Variants in RTL1 observed in about 807,000 individuals in gnomAD.
RTL1 encodes the protein retrotransposon Gag like 1.
For missense variants in RTL1, 1,681 were observed against 1,767.5 expected (o/e 0.95, Z 0.88); for synonymous variants, 727 against 748.4 (o/e 0.97, Z 0.47).
rs779609319 is a variant in RTL1, at chr14:100,885,797, A to G, written c.-86-923T>C. On this transcript the variant is annotated intron_variant, in intron 3 of 3. Transcript: ENST00000649591. ...GCCTCAATTTCACCAGTGCAAGCAT[A>G]TCTGCACGCCTCTCCAATCTTATCC... Among the ~76,000 whole-genome samples the G allele has an allele frequency of 3.9e-5, 6 of 152,156 alleles. 1 individual carries two copies. Among genetic ancestry groups the G allele is most frequent in the Non-Finnish European group, 8.8e-5 (6 of 68,030 alleles).
intron 2 of RTL1, among the ~76,000 whole-genome samples, chr14:100,899,727 G>GA (rs2038916499): frequency 3.8e-5 from 4 of 104,058 alleles, no homozygotes; most frequent in African/African-American, 1.5e-4. Flanking sequence ...AAAAAAAAAG[G>GA]ACTCATAATC....
At position 100,880,671 on chromosome 14, in the gene RTL1, A is replaced by T; in HGVS notation, c.*41T>A. On this transcript the variant is annotated 3_prime_UTR_variant, in exon 4 of 4. Coordinates refer to ENST00000649591, the MANE Select transcript of RTL1 (RefSeq NM_001134888.3). ...GGGGACGTCGGGAGGTGTTGGGGTG[A>T]GAAATAGAGGGGACTCTTTGCTGGA... 1.3e-6 allele frequency: 2 copies of T among 1,549,040 alleles called. No individual in the cohort carries two copies. The highest frequency in any genetic ancestry group is 1.7e-6 in the Non-Finnish European group (2 of 1,146,404).
intron 2 of RTL1, among the ~76,000 whole-genome samples, chr14:100,901,114 T>A (rs138335660): frequency 2.6e-5 from 4 of 152,224 alleles, no homozygotes; most frequent in Non-Finnish European, 5.9e-5. Flanking sequence ...GCTGACAGAT[T>A]GGGTTGTCAG....
intron 3 of RTL1, among the ~76,000 whole-genome samples, chr14:100,892,452 G>A (rs1409915414): frequency 6.6e-6 from 1 of 152,186 alleles, no homozygotes; most frequent in African/African-American, 2.4e-5. Context: ...AAATGCTATG[G>A]ACAAGTCAGG....
rs1358949183 is a variant in RTL1 at position 100,883,523 on chromosome 14, G to A, written c.1266C>T (p.Ser422=). 9 of 1,551,500 alleles carry A rather than the reference G, an allele frequency of 5.8e-6. No individual in the cohort carries two copies. The highest frequency in any genetic ancestry group is 2.4e-5 in the South Asian group (2 of 84,062). ...LLMVRVNPYH[S]VAVQALVDSG... is the part of the protein sequence containing the mutation. ...AATCCACCAGGGCCTGGACCGCGAC[G>A]CTGTGGTAGGGGTTCACTCTCACCA... The change falls in exon 4 of 4, where the codon AGC becomes AGT. Residue 422 remains serine, a synonymous_variant. Transcript: ENST00000649591. This position sits in a 1 kb window ranked among gnomAD's most constrained non-coding sequence, Gnocchi z 5.9.
At chr14:100,888,863 A>T (rs1208391368) in intron 3 of RTL1, among the ~76,000 whole-genome samples, 1 of 152,306 alleles carries the variant, frequency 6.6e-6, no homozygotes, top group East Asian at 1.9e-4. Context: ...AACATTAATC[A>T]CACCTCCTAG....
rs769292712 is a variant in RTL1 at position 100,881,818 on chromosome 14, G to T, written c.2971C>A (p.Arg991=). ...AGGTTTCTCACAGGTGGCAGAGCTC[G>T]GCCGCCGTCTTGTTCTGGCAGCTCC... ...VMELPEQDGG[R]ALPPVRNLRW... The change falls in exon 4 of 4, where the codon CGA becomes AGA. Residue 991 remains arginine, a synonymous_variant. Transcript: ENST00000649591. This position sits in a 1 kb window ranked among gnomAD's most constrained non-coding sequence, Gnocchi z 6.6. 1.2e-6 allele frequency: 2 copies of T among 1,613,948 alleles called. No individual in the cohort carries two copies. Among genetic ancestry groups the T allele is most frequent in the East Asian group, 2.2e-5 (1 of 44,876 alleles).
At chr14:100,894,309 C>CAAAAAAAAAAAAAAAA (rs562868034) in intron 2 of RTL1, among the ~76,000 whole-genome samples, 2 of 72,446 alleles carry the variant, frequency 2.8e-5, no homozygotes, top group Non-Finnish European at 6.3e-5. Context: ...AACTCCGTCT[C>CAAAAAAAAAAAAAAAA]AAAAAAAAAA....
At chr14:100,902,910 G>A (rs1283268524) in intron 2 of RTL1, among the ~76,000 whole-genome samples, 1 of 152,136 alleles carries the variant, frequency 6.6e-6, no homozygotes, top group Non-Finnish European at 1.5e-5. Context: ...AGAGAAAACA[G>A]CCTGGCCTTT....
chr14:100,881,068 G>T lies in RTL1; in HGVS notation c.3721C>A (p.Gln1241Lys). Reference protein sequence around the residue: ...VLREALQDDLQRYRQCGLHDG... With the variant: ...VLREALQDDLKRYRQCGLHDG... ...TGCAGGCCACACTGACGGTAACGTT[G>T]CAGGTCGTCTTGCAGGGCTTCTCGC... Residue 1241 changes from glutamine to lysine, a missense_variant, in exon 4 of 4, where the codon CAA (glutamine) becomes AAA (lysine). Transcript: ENST00000649591. The surrounding 1 kb of genome is among the most constrained non-coding windows in gnomAD (Gnocchi z 6.6). 1 of 1,603,180 alleles carries T rather than the reference G, an allele frequency of 6.2e-7. No individual in the cohort carries two copies. The highest frequency in any genetic ancestry group is 8.5e-7 in the Non-Finnish European group (1 of 1,175,088).
chr14:100,888,919 C>A (rs971356023), intron 3 of RTL1, among the ~76,000 whole-genome samples: 32 of 152,206 alleles, frequency 2.1e-4, no homozygotes, highest in African/African-American at 7.5e-4. Context: ...GATAGAAATT[C>A]AAAATGTTTG....
chr14:100,890,066 C>T (rs1379205730), intron 3 of RTL1, among the ~76,000 whole-genome samples: 1 of 93,102 alleles, frequency 1.1e-5, no homozygotes, highest in East Asian at 2.5e-4. Context: ...AAAATTCCCG[C>T]CTTATTTGAA....
chr14:100,901,202 A>G (rs2038936980), intron 2 of RTL1, among the ~76,000 whole-genome samples: 1 of 152,212 alleles, frequency 6.6e-6, no homozygotes, highest in Non-Finnish European at 1.5e-5. Flanking sequence ...TTTCTGCTCC[A>G]TGGAGGTGCA....
intron 2 of RTL1, among the ~76,000 whole-genome samples, chr14:100,901,625 T>TGAGGGG (rs2038943154): frequency 1.3e-5 from 2 of 152,200 alleles, no homozygotes; most frequent in South Asian, 4.1e-4. Flanking sequence ...CCCCTCAACC[T>TGAGGGG]GCCAGACCTC....
rs748500409 is a variant in RTL1, at chr14:100,883,387, C to G, written c.1402G>C (p.Gly468Arg). The G allele has an allele frequency of 1.9e-6, 3 of 1,550,584 alleles. No homozygotes were observed. The highest frequency in any genetic ancestry group is 2.4e-5 in the South Asian group (2 of 84,048). The change falls in exon 4 of 4, where the codon GGC becomes CGC. Residue 468 changes from glycine (G) to arginine (R), a missense_variant. Physicochemically the swap from Gly to Arg is moderately radical, Grantham distance 125. Transcript: ENST00000649591. This position sits in a 1 kb window ranked among gnomAD's most constrained non-coding sequence, Gnocchi z 5.9. ...GTGTAGAGCCAGACAGGCTCGTTGC[C>G]AATCAGCGAGCCGTCCACGGATTGG... ...PVQSVDGSLI[G>R]NEPVWLYTEP...
At chr14:100,888,343 G>C (rs2038722124) in intron 3 of RTL1, among the ~76,000 whole-genome samples, 1 of 152,132 alleles carries the variant, frequency 6.6e-6, no homozygotes, top group East Asian at 1.9e-4. Context: ...TTTCTTCATT[G>C]CCTGTAACAT....
rs371108876 is a variant in RTL1, at chr14:100,880,748, C to T, written c.4041G>A (p.Glu1347=). ...TAGCATCTTCGTCCTCATCAGGCAG[C>T]TCTTCTAGCCTTGCCTGCTCCCTGG... ...SQPREQARLE[E]LPDEDEDANL... Residue 1347 remains glutamate (E), a synonymous_variant, in exon 4 of 4, where the codon GAG becomes GAA. Transcript: ENST00000649591. 9.7e-6 allele frequency: 15 copies of T among 1,550,818 alleles called. No individual in the cohort carries two copies. The African/African-American group carries it at 1.6e-4, about 17-fold the overall frequency.
chr14:100,880,528 G>T lies in RTL1; in HGVS notation c.*184C>A. On this transcript the variant is annotated 3_prime_UTR_variant, in exon 4 of 4. Coordinates refer to ENST00000649591, the MANE Select transcript of RTL1 (RefSeq NM_001134888.3). Reference sequence around the variant, plus strand: ...TCTCTGAGGACTGGGTAGTCCGTTAGCACAGGTGGCATTGCTGGTTGATGA... The same window carrying T: ...TCTCTGAGGACTGGGTAGTCCGTTATCACAGGTGGCATTGCTGGTTGATGA... 1.6e-6 allele frequency: 2 copies of T among 1,240,078 alleles called. No individual in the cohort carries two copies. The highest frequency in any genetic ancestry group is 2.2e-6 in the Non-Finnish European group (2 of 918,836). 76.8% of individuals were successfully genotyped at this position (1,240,078 alleles called of 1,614,324 possible). A position where few individuals can be genotyped will look rare whatever the true frequency, so the allele number is the denominator to read the frequency against.
chr14:100,891,454 C>A (rs2038776665), intron 3 of RTL1, among the ~76,000 whole-genome samples: 1 of 152,188 alleles, frequency 6.6e-6, no homozygotes, highest in Non-Finnish European at 1.5e-5. Context: ...CCAAACCACC[C>A]AGCAGGGTGG....
Sources: allele counts gnomAD v4.1 joint callset (sites outside exome capture counted in the v4.1 genomes callset), GRCh38; gene constraint gnomAD v4.1.1; non-coding constraint Gnocchi (gnomAD v3.1); transcripts MANE v1.5; gene names NCBI Gene and HGNC (gene_info 2026-07-23, HGNC 2026-07-21).